Variants in ARHGEF15 observed in about 807,000 individuals in gnomAD.
ARHGEF15 encodes Rho guanine nucleotide exchange factor (GEF) 15.
A neutral mutation model predicts 79.7 loss-of-function variants in ARHGEF15; 58 were observed. The ratio of observed to expected loss-of-function variants is 0.73; its 90% CI spans 0.59 to 0.91. The LOEUF (loss-of-function observed/expected upper bound fraction) is 0.91, where lower values mean the gene tolerates loss of function less well. Ranked by LOEUF, ARHGEF15 falls within the 40% of genes least tolerant of loss-of-function variation. ARHGEF15 has a pLI of 0.00. For synonymous variants in ARHGEF15, 442 were observed against 456.0 expected (o/e 0.97, Z 0.39); for missense variants, 1,012 against 1,108.1 (o/e 0.91, Z 1.23).
Position 8,312,253 on chromosome 17 carries a change from C to T in ARHGEF15, c.214C>T (p.Pro72Ser), listed in dbSNP as rs774598794. The change falls in exon 2 of 16, where the codon CCC (proline) becomes TCC (serine). Residue 72 changes from proline to serine, a missense_variant. Pro to Ser is a moderately conservative substitution (Grantham distance 74). Around this residue, in one of 3 missense-constraint regions of ARHGEF15, gnomAD observed 818 missense variants for 882.5 expected, o/e 0.93. Transcript: ENST00000361926. Reference sequence around the variant, plus strand: ...GGAGCCCCCAGCTGCATCCCTCAAGCCCCCTGCTCTTTTGCCCCCCTCAGC... The same window carrying T: ...GGAGCCCCCAGCTGCATCCCTCAAGTCCCCTGCTCTTTTGCCCCCCTCAGC... ...FWEPPAASLK[P>S]PALLPPSASR... The T allele has an allele frequency of 8.1e-6, 11 of 1,357,552 alleles. No homozygotes were observed. The highest frequency in any genetic ancestry group is 1.5e-5 in the African/African-American group (1 of 66,762). The allele number at this position is 1,357,552 out of a possible 1,614,324, so 84.1% of individuals were successfully genotyped here. A position where few individuals can be genotyped will look rare whatever the true frequency, so the allele number is the denominator to read the frequency against.
chr17:8,321,136 C>A lies in ARHGEF15; in HGVS notation c.*143C>A. ...ATAGAGATCGAGCTTCAGGACAGAG[C>A]AGCCAATGAAAACGGCCGCCTGAAC... On this transcript the variant is annotated 3_prime_UTR_variant, in exon 16 of 16. Transcript: ENST00000361926. 2 of 1,217,482 alleles carry A rather than the reference C, an allele frequency of 1.6e-6. No homozygotes were observed. The highest frequency in any genetic ancestry group is 2.3e-6 in the Non-Finnish European group (2 of 879,406). The allele number at this position is 1,217,482 out of a possible 1,614,324, so 75.4% of individuals were successfully genotyped here.
Position 8,312,315 on chromosome 17 carries a change from C to T in ARHGEF15, c.276C>T (p.Asp92=). The change falls in exon 2 of 16, where the codon GAC becomes GAT. Residue 92 remains aspartate (D), a synonymous_variant. Transcript: ENST00000361926. ...RASLDSQTSP[D]SPSSTPTPSP... is the part of the protein sequence containing the mutation. ...GCCTCGACTCCCAGACTTCCCCAGACTCACCTTCCAGCACCCCCACACCTA... is the reference window on the plus strand; with the variant it reads ...GCCTCGACTCCCAGACTTCCCCAGATTCACCTTCCAGCACCCCCACACCTA... The T allele has an allele frequency of 6.4e-7, 1 of 1,572,706 alleles. No individual in the cohort carries two copies. Among genetic ancestry groups the T allele is most frequent in the South Asian group, 1.2e-5 (1 of 83,602 alleles).
In ARHGEF15 at chr17:8,315,948, TG is replaced by T; in HGVS notation, c.1574+44del. 2 of 1,602,866 alleles carry T rather than the reference TG, an allele frequency of 1.2e-6. No individual in the cohort carries two copies. The stretch of plus-strand genomic sequence containing the variant: ...GTGGGGAGGAAGCTGGGGAGAGGGA[TG>T]GGACCGAGGCCACAGCAGGTTGGGG... On this transcript the variant is annotated intron_variant, in intron 8 of 15. Transcript: ENST00000361926. This position sits in a 1 kb window ranked among gnomAD's most constrained non-coding sequence, Gnocchi z 4.3.
chr17:8,318,284 T>A lies in ARHGEF15; in HGVS notation c.1705-103T>A. 2.7e-6 allele frequency: 3 copies of A among 1,118,568 alleles called. No individual in the cohort carries two copies. The South Asian group carries it at 4.4e-5, about 16-fold the overall frequency. 69.3% of individuals were successfully genotyped at this position (1,118,568 alleles called of 1,614,324 possible). The stretch of plus-strand genomic sequence containing the variant: ...GGTGAGTGATGAGGTCTGTCAGCCT[T>A]GTTGAAACTGGCTGAAACAGACAGG... On this transcript the variant is annotated intron_variant, in intron 9 of 15. Transcript: ENST00000361926. The surrounding 1 kb of genome is among the most constrained non-coding windows in gnomAD (Gnocchi z 5.0).
At position 8,321,353 on chromosome 17, in the gene ARHGEF15, T is replaced by C. The variant is rs893095067; in HGVS notation, c.*360T>C. ...AAGGGCCTCATTGGAGATAAAGTCG[T>C]AGGATAAAATTGGGAACAGGAATGA... is the stretch of plus-strand genomic sequence containing the variant. On this transcript the variant is annotated 3_prime_UTR_variant, in exon 16 of 16. Transcript: ENST00000361926. The C allele has an allele frequency of 4.5e-5, 8 of 177,326 alleles. No individual in the cohort carries two copies. The highest frequency in any genetic ancestry group is 9.5e-5 in the Non-Finnish European group (8 of 84,250). The allele number at this position is 177,326 out of a possible 1,614,324, so 11.0% of individuals were successfully genotyped here.
chr17:8,318,291 A>G lies in ARHGEF15; in HGVS notation c.1705-96A>G. ...GATGAGGTCTGTCAGCCTTGTTGAAACTGGCTGAAACAGACAGGGTCCTCT... is the reference window on the plus strand; with the variant it reads ...GATGAGGTCTGTCAGCCTTGTTGAAGCTGGCTGAAACAGACAGGGTCCTCT... On this transcript the variant is annotated intron_variant, in intron 9 of 15. Transcript: ENST00000361926. This position sits in a 1 kb window ranked among gnomAD's most constrained non-coding sequence, Gnocchi z 5.0. The G allele has an allele frequency of 8.2e-7, 1 of 1,215,508 alleles. No individual in the cohort carries two copies. The highest frequency in any genetic ancestry group is 1.4e-5 in the South Asian group (1 of 70,814). The allele number at this position is 1,215,508 out of a possible 1,614,324, so 75.3% of individuals were successfully genotyped here.
chr17:8,315,498 C>G lies in ARHGEF15; in HGVS notation c.1345C>G (p.Leu449Val), dbSNP rs760006999. Residue 449 changes from leucine (L) to valine (V), a missense_variant, in exon 7 of 16, where the codon CTC becomes GTC. Around this residue, in one of 3 missense-constraint regions of ARHGEF15, gnomAD observed 818 missense variants for 882.5 expected, o/e 0.93. Transcript: ENST00000361926. The surrounding 1 kb of genome is among the most constrained non-coding windows in gnomAD (Gnocchi z 4.3). ...CGACACCTTCGTGCTGAGCCAGGCA[C>G]TCCGGGACACGCTCACCCCCCGTGA... ...LTDTFVLSQA[L>V]RDTLTPRDHH... The G allele has an allele frequency of 3.1e-6, 5 of 1,613,198 alleles. No individual in the cohort carries two copies. Among genetic ancestry groups the G allele is most frequent in the Middle Eastern group, 1.6e-4 (1 of 6,062 alleles).
intron 4 of ARHGEF15, 115 bp downstream of exon 4, chr17:8,313,670 G>A (rs1904820649): frequency 2.7e-6 from 3 of 1,091,320 alleles, no homozygotes; most frequent in South Asian, 1.6e-5. Context: ...GAGGGGACAA[G>A]GGCCAGGGCT....
chr17:8,313,065 T>TTC lies in ARHGEF15; in HGVS notation c.745_746insTC (p.Ser249PhefsTer88). ...GGCCTCCCCGCTGCGGACCTCTCGC[T>TTC]CCCGCCCCCACCCTCCAAGCATCGG... On this transcript the variant is annotated frameshift_variant, in exon 3 of 16. Coordinates refer to ENST00000361926, the MANE Select transcript of ARHGEF15 (RefSeq NM_173728.4). LOFTEE classifies it high-confidence loss of function. 6.3e-7 allele frequency: 1 copy of TTC among 1,593,404 alleles called. No homozygotes were observed.
Position 8,314,945 on chromosome 17 carries a change from G to A in ARHGEF15, c.1029G>A (p.Trp343Ter). 6.2e-7 allele frequency: 1 copy of A among 1,614,036 alleles called. No homozygotes were observed. Residue 343 changes from tryptophan (W) to a stop codon, truncating the protein, a stop_gained, in exon 5 of 16, where the codon TGG becomes TGA. Coordinates refer to ENST00000361926, the MANE Select transcript of ARHGEF15 (RefSeq NM_173728.4). LOFTEE classifies it high-confidence loss of function. ...TAGAGGTGCTGAAGGAGCAGAATTG[G>A]GAGCTGCCCCTGCAGGATGGTGAGG... Reference protein sequence around the residue: ...EGLEVLKEQNWELPLQDEPLY... With the variant: ...EGLEVLKEQN
At position 8,318,331 on chromosome 17, in the gene ARHGEF15, C is replaced by G; in HGVS notation, c.1705-56C>G. On this transcript the variant is annotated intron_variant, in intron 9 of 15. Coordinates refer to ENST00000361926, the MANE Select transcript of ARHGEF15 (RefSeq NM_173728.4). This position sits in a 1 kb window ranked among gnomAD's most constrained non-coding sequence, Gnocchi z 5.0. ...CAGGGTCCTCTGAGCTGTGGCCCCT[C>G]TGAATCCCAGGGCCACAGAGCAGGG... The G allele has an allele frequency of 6.5e-7, 1 of 1,548,290 alleles. No homozygotes were observed. Among genetic ancestry groups the G allele is most frequent in the South Asian group, 1.2e-5 (1 of 86,816 alleles).
At chr17:8,317,849 C>T (rs571602654) in intron 9 of ARHGEF15, among the ~76,000 whole-genome samples, 1 of 152,162 alleles carries the variant, frequency 6.6e-6, no homozygotes, top group South Asian at 2.1e-4. Context: ...GGTGGATCAT[C>T]TGAGGTCAGG....
chr17:8,312,331 C>T lies in ARHGEF15; in HGVS notation c.292C>T (p.Pro98Ser). ...QTSPDSPSST[P>S]TPSPVSRRSA... is the part of the protein sequence containing the mutation. Reference sequence around the variant, plus strand: ...TTCCCCAGACTCACCTTCCAGCACCCCCACACCTAGTCCAGTGTCCCGGCG... The same window carrying T: ...TTCCCCAGACTCACCTTCCAGCACCTCCACACCTAGTCCAGTGTCCCGGCG... Residue 98 changes from proline (P) to serine (S), a missense_variant, in exon 2 of 16, where the codon CCC becomes TCC. Physicochemically the swap from Pro to Ser is moderately conservative, Grantham distance 74. Coordinates refer to ENST00000361926, the MANE Select transcript of ARHGEF15 (RefSeq NM_173728.4). The T allele has an allele frequency of 6.3e-7, 1 of 1,585,428 alleles. No individual in the cohort carries two copies.
In ARHGEF15 at chr17:8,318,265, T is replaced by C. The variant is rs1304807187; in HGVS notation, c.1705-122T>C. On this transcript the variant is annotated intron_variant, in intron 9 of 15. Coordinates refer to ENST00000361926, the MANE Select transcript of ARHGEF15 (RefSeq NM_173728.4). The surrounding 1 kb of genome is among the most constrained non-coding windows in gnomAD (Gnocchi z 5.0). ...TGCTCAGGGTTCTGCAGATGGTGAG[T>C]GATGAGGTCTGTCAGCCTTGTTGAA... 13 of 900,290 alleles carry C rather than the reference T, an allele frequency of 1.4e-5. No individual in the cohort carries two copies. In the East Asian group the frequency reaches 3.2e-4, roughly 22 times the overall value. The allele number at this position is 900,290 out of a possible 1,614,324, so 55.8% of individuals were successfully genotyped here. A position where few individuals can be genotyped will look rare whatever the true frequency, so the allele number is the denominator to read the frequency against.
intron 1 of ARHGEF15, among the ~76,000 whole-genome samples, chr17:8,310,560 A>C (rs1207164629): frequency 1.3e-5 from 2 of 151,960 alleles, no homozygotes; most frequent in African/African-American, 4.8e-5. Context: ...GCTCTGTGCC[A>C]TTGCCGTCTT....
intron 4 of ARHGEF15, 81 bp downstream of exon 4, chr17:8,313,636 G>C: frequency 6.9e-7 from 1 of 1,454,362 alleles, no homozygotes; most frequent in Non-Finnish European, 9.4e-7. Flanking sequence ...TTCAGCTCCA[G>C]CTAAATCCCA....
chr17:8,314,628 AAGTAGGTTACGCCTGT>A (rs1223214126), intron 4 of ARHGEF15, among the ~76,000 whole-genome samples: 9 of 151,706 alleles, frequency 5.9e-5, no homozygotes, highest in Non-Finnish European at 1.2e-4. Flanking sequence ...GGGCCGGGCA[AAGTAGGTTACGCCTGT>A]AATCCTGACA....
intron 4 of ARHGEF15, 110 bp from the exon 5 acceptor site, chr17:8,314,796 C>CCCTACAT: frequency 8.2e-7 from 1 of 1,226,528 alleles, no homozygotes; most frequent in Non-Finnish European, 1.1e-6. Context: ...CCGTCAGGGT[C>CCCTACAT]CCTACATCCA....
Position 8,322,064 on chromosome 17 carries a change from C to T in ARHGEF15, c.*1071C>T, listed in dbSNP as rs1304659053. On this transcript the variant is annotated 3_prime_UTR_variant, in exon 16 of 16. Transcript: ENST00000361926. ...TTTGGAACCACATTAGATCCTGCATCTGGGTGAAGAAACGGGAGCTGTGGA... is the reference window on the plus strand; with the variant it reads ...TTTGGAACCACATTAGATCCTGCATTTGGGTGAAGAAACGGGAGCTGTGGA... 1 of 152,834 alleles carries T rather than the reference C, an allele frequency of 6.5e-6. No homozygotes were observed. Among genetic ancestry groups the T allele is most frequent in the Non-Finnish European group, 1.5e-5 (1 of 68,190 alleles). The allele number at this position is 152,834 out of a possible 1,614,324, so 9.5% of individuals were successfully genotyped here.
Sources: allele counts gnomAD v4.1 joint callset (sites outside exome capture counted in the v4.1 genomes callset), GRCh38; gene constraint gnomAD v4.1.1; regional missense constraint gnomAD v4.1.1; non-coding constraint Gnocchi (gnomAD v3.1); transcripts MANE v1.5; gene names NCBI Gene and HGNC (gene_info 2026-07-23, HGNC 2026-07-21).